The following TENM4 variants were observed in gnomAD, a reference collection of about 807,000 sequenced individuals.
TENM4 encodes teneurin transmembrane protein 4.
In TENM4, 82 loss-of-function variants were observed where a neutral mutation model predicts 243.3. That is an observed-to-expected ratio of 0.34 (90% CI 0.28 to 0.40). TENM4 has a LOEUF of 0.40. Among genes scored for constraint, TENM4 ranks in the 10% least tolerant of loss-of-function variants. The pLI is 1.00. For missense variants in TENM4, 3,138 were observed against 3,673.3 expected, an observed-to-expected ratio of 0.85 and a Z score of 3.77; for synonymous variants, 1,412 against 1,456.3, an observed-to-expected ratio of 0.97 and a Z score of 0.69.
intron 6 of TENM4, among the ~76,000 whole-genome samples, chr11:78,974,782 G>A (rs11237670): frequency 0.045 from 6,705 of 150,440 alleles, 419 homozygotes; most frequent in African/African-American, 0.14. Flanking sequence ...GAGCGCCTGG[G>A]CTCAAGTGAT....
chr11:79,115,626 T>G (rs1861602645), intron 4 of TENM4, among the ~76,000 whole-genome samples: 1 of 152,206 alleles, frequency 6.6e-6, no homozygotes, highest in Admixed American at 6.5e-5. Flanking sequence ...TTCCTGTGGA[T>G]TCTGAGCATC....
chr11:78,968,392 C>T (rs1857478575), intron 6 of TENM4, among the ~76,000 whole-genome samples: 1 of 152,218 alleles, frequency 6.6e-6, no homozygotes, highest in South Asian at 2.1e-4. Context: ...TCAAGCGATC[C>T]TCCCACCTTG....
intron 6 of TENM4, among the ~76,000 whole-genome samples, chr11:79,013,834 C>T (rs1294409488): frequency 6.6e-6 from 1 of 152,200 alleles, no homozygotes; most frequent in Non-Finnish European, 1.5e-5. Context: ...TGCATCCCAG[C>T]CAGAGCCCAG....
At chr11:78,840,524 C>A (rs986628739) in intron 12 of TENM4, among the ~76,000 whole-genome samples, 1 of 152,120 alleles carries the variant, frequency 6.6e-6, no homozygotes, top group Non-Finnish European at 1.5e-5. Flanking sequence ...ATTGTGCTGG[C>A]GTTTCAACAG....
chr11:79,280,202 A>AC, intron 2 of TENM4, among the ~76,000 whole-genome samples: 1 of 152,356 alleles, frequency 6.6e-6, no homozygotes, highest in Admixed American at 6.5e-5. Context: ...AGCTGAAGAT[A>AC]CCAGTCTTCT....
At chr11:78,711,601 C>G (rs73496537) in intron 26 of TENM4, among the ~76,000 whole-genome samples, 7,321 of 152,132 alleles carry the variant, frequency 0.048, 362 homozygotes, top group African/African-American at 0.13. Context: ...CAGAATAAAC[C>G]TAGGAGGTAG....
At chr11:78,752,923 G>GT (rs1408172292) in intron 19 of TENM4, among the ~76,000 whole-genome samples, 1 of 152,182 alleles carries the variant, frequency 6.6e-6, no homozygotes, top group Middle Eastern at 3.2e-3. Context: ...TCACCGCCAT[G>GT]TAATTAGCAA....
chr11:79,162,466 A>ATTAT (rs148237396), intron 3 of TENM4, among the ~76,000 whole-genome samples: 5,628 of 151,036 alleles, frequency 0.037, 239 homozygotes, highest in African/African-American at 0.1. Context: ...ATTTGCTGTT[A>ATTAT]TTATTTATTT....
intron 33 of TENM4, among the ~76,000 whole-genome samples, chr11:78,659,783 T>A (rs1289693055): frequency 6.6e-6 from 1 of 152,322 alleles, no homozygotes; most frequent in East Asian, 1.9e-4. Context: ...CAACTTGGCG[T>A]ATCATCTACC....
intron 6 of TENM4, among the ~76,000 whole-genome samples, chr11:78,905,617 C>T (rs757372738): frequency 3.6e-4 from 55 of 152,320 alleles, no homozygotes; most frequent in Non-Finnish European, 7.1e-4. Flanking sequence ...AGGAGATGTA[C>T]TGAGACCATC....
In TENM4 at chr11:79,120,325, T is replaced by G. The variant is rs751089592; in HGVS notation, c.-66+28385A>C. On this transcript the variant is annotated intron_variant, in intron 4 of 33. Transcript: ENST00000278550. ...AACACACAGTAACACCTGTACTCAC[T>G]TATTCTGCTGAAATTAAATCAAGAG... Among the ~76,000 whole-genome samples, 3 of 152,354 alleles carry G rather than the reference T, an allele frequency of 2.0e-5. No homozygotes were observed. In the South Asian group the frequency reaches 6.2e-4, roughly 32 times the overall value.
chr11:78,771,242 C>T, intron 17 of TENM4, 104 bp from the exon 18 acceptor site: 2 of 1,411,174 alleles, frequency 1.4e-6, no homozygotes, highest in Middle Eastern at 3.6e-4. Flanking sequence ...TCATATCCAT[C>T]AGCACACGAA....
intron 6 of TENM4, among the ~76,000 whole-genome samples, chr11:79,006,357 A>T (rs988164798): frequency 6.6e-6 from 1 of 152,220 alleles, no homozygotes; most frequent in African/African-American, 2.4e-5. Context: ...ATTCATTTTC[A>T]TGACCCCAAA....
Position 78,985,797 on chromosome 11 carries a change from C to T in TENM4, c.493+78941G>A, listed in dbSNP as rs1230759277. On this transcript the variant is annotated intron_variant, in intron 6 of 33. Coordinates refer to ENST00000278550, the MANE Select transcript of TENM4 (RefSeq NM_001098816.3). ...CTGTCTGTCTCAGTCATTTTCTTTA[C>T]GGCTGCTGGGTTCAATGAAGGTCAG... Among the ~76,000 whole-genome samples the T allele has an allele frequency of 5.3e-5, 8 of 152,034 alleles. No individual in the cohort carries two copies. The South Asian group carries it at 6.2e-4, about 12-fold the overall frequency.
chr11:79,324,887 G>T (rs892637115), intron 1 of TENM4, among the ~76,000 whole-genome samples: 1 of 152,122 alleles, frequency 6.6e-6, no homozygotes, highest in Non-Finnish European at 1.5e-5. Flanking sequence ...TAAATCAGCT[G>T]CTCTGCCTTA....
chr11:79,156,511 C>T (rs1330074688), intron 3 of TENM4, among the ~76,000 whole-genome samples: 1 of 152,148 alleles, frequency 6.6e-6, no homozygotes, highest in East Asian at 1.9e-4. Context: ...ATGCTGTTTC[C>T]TTAGTCTCAG....
intron 6 of TENM4, among the ~76,000 whole-genome samples, chr11:78,971,371 C>T (rs970271101): frequency 1.1e-4 from 16 of 152,190 alleles, no homozygotes; most frequent in African/African-American, 1.9e-4. Flanking sequence ...GGCGCAATCT[C>T]GGCTCACTGC....
chr11:78,753,829 G>A (rs1312014442), intron 19 of TENM4, among the ~76,000 whole-genome samples: 2 of 152,100 alleles, frequency 1.3e-5, no homozygotes, highest in African/African-American at 4.8e-5. Context: ...TTGGAGAGAT[G>A]AATGGTCTCT....
At chr11:79,333,340 C>G (rs1190167309) in intron 1 of TENM4, among the ~76,000 whole-genome samples, 2 of 152,210 alleles carry the variant, frequency 1.3e-5, no homozygotes, top group Non-Finnish European at 2.9e-5. Context: ...CCAACTTCCC[C>G]TCTACTTTGC....
Sources: gnomAD v4.1 joint callset for allele counts (sites outside exome capture counted in the v4.1 genomes callset) on GRCh38, gnomAD v4.1.1 for gene constraint, MANE v1.5 for transcripts, NCBI Gene and HGNC (gene_info 2026-07-23, HGNC 2026-07-21) for gene names.